GABRP: variants seen among roughly 807,000 people sequenced by gnomAD.
GABRP encodes the protein gamma-aminobutyric acid receptor subunit pi.
Under a neutral mutation model 47.8 loss-of-function variants are expected in GABRP, and 52 were observed. The ratio of observed to expected loss-of-function variants is 1.09; its 90% CI spans 0.87 to 1.37. The LOEUF (loss-of-function observed/expected upper bound fraction) is 1.37, where lower values mean the gene tolerates loss of function less well. Ranked by LOEUF, GABRP falls within the 40% of genes most tolerant of loss-of-function variation. The probability of loss-of-function intolerance (pLI) is 0.00; values close to 1 mark genes in which losing one functional copy is unlikely to be tolerated. For missense variants in GABRP, 525 were observed against 542.8 expected, an observed-to-expected ratio of 0.97 and a Z score of 0.33; for synonymous variants, 221 against 205.8, an observed-to-expected ratio of 1.07 and a Z score of -0.63.
At position 170,795,270 on chromosome 5, in the gene GABRP, C is replaced by T. The variant is rs1384112696; in HGVS notation, c.303C>T (p.Gly101=). ...TGGACCAGCGGCTGGTGTTTGAAGG[C>T]AACAAGAGCTTCACTCTGGATGCCC... ...RWMDQRLVFE[G]NKSFTLDARL... The change falls in exon 5 of 10, where the codon GGC becomes GGT. Residue 101 remains glycine (G), a synonymous_variant. Transcript: ENST00000265294. 4.3e-6 allele frequency: 7 copies of T among 1,613,800 alleles called. 1 individual carries two copies. In the South Asian group the frequency reaches 6.6e-5, roughly 15 times the overall value.
chr5:170,793,864 G>A (rs865921880), intron 3 of GABRP, among the ~76,000 whole-genome samples: 19 of 152,232 alleles, frequency 1.2e-4, no homozygotes, highest in South Asian at 2.1e-4. Context: ...CCTGGGAGGC[G>A]GAGTTTGTGG....
At chr5:170,793,917 A>G (rs1437171098) in intron 3 of GABRP, among the ~76,000 whole-genome samples, 1 of 152,176 alleles carries the variant, frequency 6.6e-6, no homozygotes, top group Non-Finnish European at 1.5e-5. Context: ...CCTGGGCAAG[A>G]AGAGTGAAAC....
At chr5:170,810,904 G>A (rs1765866104) in intron 9 of GABRP, among the ~76,000 whole-genome samples, 1 of 151,802 alleles carries the variant, frequency 6.6e-6, no homozygotes, top group African/African-American at 2.4e-5. Context: ...TTCCTTATGA[G>A]GGAGGAAGGA....
At chr5:170,796,630 A>T (rs1417541738) in intron 5 of GABRP, among the ~76,000 whole-genome samples, 1 of 152,174 alleles carries the variant, frequency 6.6e-6, no homozygotes, top group Non-Finnish European at 1.5e-5. Flanking sequence ...TACCTAGTAG[A>T]ACTGTTCAAA....
chr5:170,782,788 T>A (rs1765042085), upstream of GABRP: 1 of 152,412 alleles, frequency 6.6e-6, no homozygotes, highest in Non-Finnish European at 1.5e-5. Flanking sequence ...GAGATGCCTC[T>A]GGGCCTCGTA....
intron 3 of GABRP, among the ~76,000 whole-genome samples, chr5:170,791,368 G>A (rs762269328): frequency 6.6e-6 from 1 of 152,250 alleles, no homozygotes; most frequent in Non-Finnish European, 1.5e-5. Context: ...CCCACGGAGG[G>A]CCATTGCTCT....
intron 6 of GABRP, among the ~76,000 whole-genome samples, chr5:170,799,937 A>G (rs1453265412): frequency 1.3e-5 from 2 of 152,222 alleles, no homozygotes; most frequent in African/African-American, 2.4e-5. Flanking sequence ...TATAGATTCA[A>G]TGCCATCCCC....
chr5:170,805,314 AAT>A (rs1765701408), intron 6 of GABRP, among the ~76,000 whole-genome samples: 2 of 152,184 alleles, frequency 1.3e-5, no homozygotes, highest in Admixed American at 1.3e-4. Flanking sequence ...CCAATATAGA[AAT>A]ATGAACAGAT....
chr5:170,787,239 T>A (rs143675131), intron 1 of GABRP, among the ~76,000 whole-genome samples: 1 of 152,234 alleles, frequency 6.6e-6, no homozygotes, highest in Non-Finnish European at 1.5e-5. Context: ...GGCTGAATCA[T>A]GCCCTAAGCT....
intron 6 of GABRP, among the ~76,000 whole-genome samples, chr5:170,803,568 A>AACCATC (rs879528471): frequency 6.6e-6 from 1 of 152,152 alleles, no homozygotes; most frequent in African/African-American, 2.4e-5. Context: ...CGAGTAGTGC[A>AACCATC]ACCATCACCA....
At chr5:170,803,516 A>T (rs773714156) in intron 6 of GABRP, among the ~76,000 whole-genome samples, 13 of 152,026 alleles carry the variant, frequency 8.6e-5, no homozygotes, top group Non-Finnish European at 1.8e-4. Context: ...GATAAAATTC[A>T]CCCATTTTAA....
chr5:170,812,120 C>A lies in GABRP; in HGVS notation c.1185C>A (p.Phe395Leu). Residue 395 changes from phenylalanine (F) to leucine (L), a missense_variant, in exon 10 of 10, where the codon TTC becomes TTA. Transcript: ENST00000265294. The stretch of plus-strand genomic sequence containing the variant: ...CCAGCGACAAGTTCAAGTTTGTCTT[C>A]CGAGAAAAGATGGGCAGGATTGTTG... Reference protein sequence around the residue: ...MKTSDKFKFVFREKMGRIVDY... With the variant: ...MKTSDKFKFVLREKMGRIVDY... The A allele has an allele frequency of 1.2e-6, 2 of 1,614,154 alleles. No individual in the cohort carries two copies. Among genetic ancestry groups the A allele is most frequent in the Non-Finnish European group, 1.7e-6 (2 of 1,180,028 alleles).
chr5:170,810,841 AC>A (rs1182578734), intron 9 of GABRP, among the ~76,000 whole-genome samples: 1 of 152,052 alleles, frequency 6.6e-6, no homozygotes, highest in Admixed American at 6.5e-5. Flanking sequence ...GCAAATGACC[AC>A]GTGTGCCAGC....
At chr5:170,804,967 TTTATATA>T (rs1344485332) in intron 6 of GABRP, among the ~76,000 whole-genome samples, 1 of 119,886 alleles carries the variant, frequency 8.3e-6, no homozygotes, top group Non-Finnish European at 1.6e-5. Flanking sequence ...CATATATACG[TTTATATA>T]TTATATATTA....
chr5:170,793,144 A>C (rs915838736), intron 3 of GABRP, among the ~76,000 whole-genome samples: 1 of 152,186 alleles, frequency 6.6e-6, no homozygotes, highest in African/African-American at 2.4e-5. Flanking sequence ...CCGCCACTCC[A>C]CAAAGACAAT....
intron 8 of GABRP, 36 bp downstream of exon 8, chr5:170,808,788 C>CT: frequency 6.3e-7 from 1 of 1,592,550 alleles, no homozygotes; most frequent in Non-Finnish European, 8.6e-7. Flanking sequence ...TAAGAACTGG[C>CT]TTATCAGGTT....
At chr5:170,811,001 C>T (rs1581610174) in intron 9 of GABRP, among the ~76,000 whole-genome samples, 1 of 151,620 alleles carries the variant, frequency 6.6e-6, no homozygotes, top group Non-Finnish European at 1.5e-5. Flanking sequence ...TGACAGCCTC[C>T]TCTAAAGACA....
rs1395832052 is a variant in GABRP at position 170,812,564 on chromosome 5, G to T, written c.*306G>T. ...TGTTTATTCGGTGGCTCCCTGGTTT[G>T]CATTTACCTCATATAAAGAATGGGA... On this transcript the variant is annotated 3_prime_UTR_variant, in exon 10 of 10. Transcript: ENST00000265294. 7.2e-6 allele frequency: 2 copies of T among 276,896 alleles called. No individual in the cohort carries two copies. The highest frequency in any genetic ancestry group is 1.4e-4 in the East Asian group (2 of 14,532). 17.2% of individuals were successfully genotyped at this position (276,896 alleles called of 1,614,324 possible). A position where few individuals can be genotyped will look rare whatever the true frequency, so the allele number is the denominator to read the frequency against.
rs1322451401 is a variant in GABRP at position 170,797,484 on chromosome 5, A to C, written c.477A>C (p.Ala159=). The change falls in exon 6 of 10, where the codon GCA becomes GCC. Residue 159 remains alanine (A), a synonymous_variant. Coordinates refer to ENST00000265294, the MANE Select transcript of GABRP (RefSeq NM_014211.3). The part of the protein sequence containing the change: ...LYALRITTTV[A]CNMDLSKYPM... ...CTCTTAGAATCACGACAACTGTTGCATGTAACATGGATCTGTCTAAATACC... is the reference window on the plus strand; with the variant it reads ...CTCTTAGAATCACGACAACTGTTGCCTGTAACATGGATCTGTCTAAATACC... 2 of 1,611,684 alleles carry C rather than the reference A, an allele frequency of 1.2e-6. No homozygotes were observed. The highest frequency in any genetic ancestry group is 1.7e-6 in the Non-Finnish European group (2 of 1,177,758).
Sources: allele counts gnomAD v4.1 joint callset (sites outside exome capture counted in the v4.1 genomes callset), GRCh38; gene constraint gnomAD v4.1.1; transcripts MANE v1.5; gene names NCBI Gene and HGNC (gene_info 2026-07-23, HGNC 2026-07-21).